Variants in OR2T33 observed in about 807,000 individuals in gnomAD.
OR2T33 encodes olfactory receptor 2T33.
Under a neutral mutation model 14.0 loss-of-function variants are expected in OR2T33, and 10 were observed. That is an observed-to-expected ratio of 0.72 (90% CI 0.44 to 1.22). OR2T33 has a LOEUF of 1.22. Ranked by LOEUF, OR2T33 falls within the 50% of genes most tolerant of loss-of-function variation. The probability of loss-of-function intolerance (pLI) is 0.00; values close to 1 mark genes in which losing one functional copy is unlikely to be tolerated. For synonymous variants in OR2T33, 103 were observed against 159.4 expected, an observed-to-expected ratio of 0.65 and a Z score of 2.66; for missense variants, 276 against 405.9, an observed-to-expected ratio of 0.68 and a Z score of 2.75.
Position 248,272,360 on chromosome 1 carries a change from T to C in OR2T33, c.*492A>G, listed in dbSNP as rs1659383039. ...GACTTTCCCTTTTGTCATGCATCTA[T>C]ATTTTAAAATATAACATAAAAATAA... On this transcript the variant is annotated 3_prime_UTR_variant, in exon 2 of 2. Transcript: ENST00000641220. The C allele has an allele frequency of 6.5e-6, 1 of 153,154 alleles. No individual in the cohort carries two copies. Among genetic ancestry groups the C allele is most frequent in the East Asian group, 1.9e-4 (1 of 5,202 alleles). 9.5% of individuals were successfully genotyped at this position (153,154 alleles called of 1,614,324 possible). A position where few individuals can be genotyped will look rare whatever the true frequency, so the allele number is the denominator to read the frequency against.
At chr1:248,275,046 G>C (rs1659432102) in intron 1 of OR2T33, among the ~76,000 whole-genome samples, 1 of 152,192 alleles carries the variant, frequency 6.6e-6, no homozygotes, top group South Asian at 2.1e-4. Context: ...AACTCATAAA[G>C]AGAAGAGCAC....
chr1:248,273,835 T>G lies in OR2T33; in HGVS notation c.-8-13A>C, dbSNP rs1659417903. ...TCCATAATTTCCCCTGGTGTGATGG[T>G]GCAAATGGAAAAATAGAGAAGGAAG... On this transcript the variant is annotated splice_polypyrimidine_tract_variant and intron_variant, in intron 1 of 1. Coordinates refer to ENST00000641220, the MANE Select transcript of OR2T33 (RefSeq NM_001004695.2). 1.3e-6 allele frequency: 2 copies of G among 1,590,898 alleles called. No individual in the cohort carries two copies. Among genetic ancestry groups the G allele is most frequent in the Middle Eastern group, 1.7e-4 (1 of 5,850 alleles).
At chr1:248,276,759 A>G (rs1279956144) in intron 1 of OR2T33, among the ~76,000 whole-genome samples, 1 of 152,176 alleles carries the variant, frequency 6.6e-6, no homozygotes, top group Non-Finnish European at 1.5e-5. Flanking sequence ...TTTTCAGCAC[A>G]TTGTATCAGT....
Position 248,273,623 on chromosome 1 carries a change from A to G in OR2T33, c.192T>C (p.Leu64=), listed in dbSNP as rs146015658. 25,144 of 1,590,802 alleles carry G rather than the reference A, an allele frequency of 0.016. 281 individuals are homozygous for G. The highest frequency in any genetic ancestry group is 0.14 in the African/African-American group (9,543 of 67,340). Reference sequence around the variant, plus strand: ...AAACCAGCATCATGTCCATGAGGGAAAGTTGGCTCAGGAGGAAGTACATGG... The same window carrying G: ...AAACCAGCATCATGTCCATGAGGGAGAGTTGGCTCAGGAGGAAGTACATGG... ...HTPMYFLLSQ[L]SLMDMMLVST... is the part of the protein sequence containing the mutation. The change falls in exon 2 of 2, where the codon CTT becomes CTC. Residue 64 remains leucine, a synonymous_variant. Coordinates refer to ENST00000641220, the MANE Select transcript of OR2T33 (RefSeq NM_001004695.2).
chr1:248,274,666 G>T (rs1659427853), intron 1 of OR2T33, among the ~76,000 whole-genome samples: 1 of 152,166 alleles, frequency 6.6e-6, no homozygotes. Flanking sequence ...GATAAATGCT[G>T]GGGGAGAGTA....
At position 248,272,890 on chromosome 1, in the gene OR2T33, T is replaced by C. The variant is rs113609073; in HGVS notation, c.925A>G (p.Ile309Val). Residue 309 changes from isoleucine to valine, a missense_variant, in exon 2 of 2, where the codon ATA becomes GTA. Physicochemically the swap from Ile to Val is conservative, Grantham distance 29. Transcript: ENST00000641220. ...LKRWLGTCVN[I>V]KHQQNEAHRS... ...TGGGCCTCATTTTGCTGGTGTTTTA[T>C]GTTTACACACGTCCCCAGCCACCGT... The C allele has an allele frequency of 1.6e-5, 26 of 1,613,940 alleles. No homozygotes were observed. The East Asian group carries it at 5.1e-4, about 32-fold the overall frequency.
At chr1:248,276,738 A>G (rs570006371) in intron 1 of OR2T33, among the ~76,000 whole-genome samples, 5 of 152,304 alleles carry the variant, frequency 3.3e-5, no homozygotes, top group Admixed American at 6.5e-5. Context: ...TAATATTGTT[A>G]TAGATGAGAC....
In OR2T33 at chr1:248,271,999, A is replaced by C. The variant is rs1230187969; in HGVS notation, c.*853T>G. The C allele has an allele frequency of 6.6e-6, 1 of 152,176 alleles. No homozygotes were observed. Among genetic ancestry groups the C allele is most frequent in the Non-Finnish European group, 1.5e-5 (1 of 68,020 alleles). 9.4% of individuals were successfully genotyped at this position (152,176 alleles called of 1,614,324 possible). A position where few individuals can be genotyped will look rare whatever the true frequency, so the allele number is the denominator to read the frequency against. On this transcript the variant is annotated 3_prime_UTR_variant, in exon 2 of 2. Transcript: ENST00000641220. ...AATTACCTATGTCTTGGCAGAAGTAAGGTGGTGACACAATAATGTATAAGG... is the reference window on the plus strand; with the variant it reads ...AATTACCTATGTCTTGGCAGAAGTACGGTGGTGACACAATAATGTATAAGG...
rs1216928599 is a variant in OR2T33, at chr1:248,270,413, A to C, written c.*2439T>G. On this transcript the variant is annotated 3_prime_UTR_variant, in exon 2 of 2. Transcript: ENST00000641220. The stretch of plus-strand genomic sequence containing the variant: ...TGCACATGTACCCTAGAACTTAAAG[A>C]ATAATTTTAAAGAAAAAGTGAAAGA... 6.6e-6 allele frequency: 1 copy of C among 152,190 alleles called. No individual in the cohort carries two copies. The highest frequency in any genetic ancestry group is 1.9e-4 in the East Asian group (1 of 5,192). The allele number at this position is 152,190 out of a possible 1,614,324, so 9.4% of individuals were successfully genotyped here.
In OR2T33 at chr1:248,273,164, A is replaced by G; in HGVS notation, c.651T>C (p.Gly217=). 6.2e-7 allele frequency: 1 copy of G among 1,610,188 alleles called. No individual in the cohort carries two copies. The highest frequency in any genetic ancestry group is 2.2e-5 in the East Asian group (1 of 44,840). The change falls in exon 2 of 2, where the codon GGT becomes GGC. Residue 217 remains glycine, a synonymous_variant. Transcript: ENST00000641220. The stretch of plus-strand genomic sequence containing the variant: ...TGTGCAGAACAGCAGCGAGGATGAG[A>G]CCATAGGAGGACAGGATGAGGGAAA... ...VPFSLILSSY[G]LILAAVLHMR...
At chr1:248,273,864 C>A in intron 1 of OR2T33, 42 bp from the exon 2 acceptor site, 1 of 1,570,156 alleles carries the variant, frequency 6.4e-7, no homozygotes. Context: ...AAGGAAGAGG[C>A]TTTTATGGTC....
intron 1 of OR2T33, 113 bp from the exon 2 acceptor site, chr1:248,273,935 G>T: frequency 7.4e-7 from 1 of 1,351,276 alleles, no homozygotes; most frequent in Non-Finnish European, 9.7e-7. Flanking sequence ...ATCCCAGGTA[G>T]TGATTCAAAG....
chr1:248,276,479 T>A (rs560002116), intron 1 of OR2T33, among the ~76,000 whole-genome samples: 1 of 152,142 alleles, frequency 6.6e-6, no homozygotes, highest in Non-Finnish European at 1.5e-5. Flanking sequence ...TTAATTAGAT[T>A]ATTGAACTGA....
In OR2T33 at chr1:248,273,006, T is replaced by G; in HGVS notation, c.809A>C (p.Lys270Thr). Reference protein sequence around the residue: ...PKSHRSTNHDKVVSAFYTMFT... With the variant: ...PKSHRSTNHDTVVSAFYTMFT... ...CATAGTATAGAAGGCTGACACAACC[T>G]TGTCATGGTTAGTGGACCTATGGGA... Residue 270 changes from lysine (K) to threonine (T), a missense_variant, in exon 2 of 2, where the codon AAG becomes ACG. Coordinates refer to ENST00000641220, the MANE Select transcript of OR2T33 (RefSeq NM_001004695.2). The G allele has an allele frequency of 6.2e-7, 1 of 1,614,054 alleles. No homozygotes were observed. Among genetic ancestry groups the G allele is most frequent in the Non-Finnish European group, 8.5e-7 (1 of 1,180,002 alleles).
In OR2T33 at chr1:248,272,721, T is replaced by A; in HGVS notation, c.*131A>T. On this transcript the variant is annotated 3_prime_UTR_variant, in exon 2 of 2. Transcript: ENST00000641220. ...GTATCTCTCAATACAATTAGCTCAC[T>A]TAATTCTTAAAAATATCCTATTATA... The A allele has an allele frequency of 1.6e-6, 2 of 1,238,652 alleles. No individual in the cohort carries two copies. The highest frequency in any genetic ancestry group is 2.4e-5 in the East Asian group (1 of 42,102). The allele number at this position is 1,238,652 out of a possible 1,614,324, so 76.7% of individuals were successfully genotyped here. A position where few individuals can be genotyped will look rare whatever the true frequency, so the allele number is the denominator to read the frequency against.
Position 248,271,842 on chromosome 1 carries a change from C to T in OR2T33, c.*1010G>A, listed in dbSNP as rs1242919893. ...TATCCAGTCTCTGGTTACAATTTGG[C>T]TTTGATAACCACAGCTTTCTGCCAT... On this transcript the variant is annotated 3_prime_UTR_variant, in exon 2 of 2. Transcript: ENST00000641220. 2.6e-5 allele frequency: 4 copies of T among 152,148 alleles called. No homozygotes were observed. The highest frequency in any genetic ancestry group is 2.0e-4 in the Admixed American group (3 of 15,278). The allele number at this position is 152,148 out of a possible 1,614,324, so 9.4% of individuals were successfully genotyped here.
At chr1:248,274,680 G>A (rs1167390482) in intron 1 of OR2T33, among the ~76,000 whole-genome samples, 1 of 152,150 alleles carries the variant, frequency 6.6e-6, no homozygotes, top group East Asian at 1.9e-4. Flanking sequence ...GAGAGTAGTA[G>A]TAACTATAAT....
Position 248,273,460 on chromosome 1 carries a change from C to T in OR2T33, c.355G>A (p.Asp119Asn). The change falls in exon 2 of 2, where the codon GAC becomes AAC. Residue 119 changes from aspartate (D) to asparagine (N), a missense_variant. Asp to Asn is a conservative substitution (Grantham distance 23, BLOSUM62 1). Coordinates refer to ENST00000641220, the MANE Select transcript of OR2T33 (RefSeq NM_001004695.2). The part of the protein sequence containing the change: ...ECFLLAAMAY[D>N]RYAAVCHPLR... ...GGGTGGCAGACAGCCGCATAGCGGT[C>T]ATAGGCCATGGCTGCTAAGAGGAAG... 1 of 1,612,718 alleles carries T rather than the reference C, an allele frequency of 6.2e-7. No individual in the cohort carries two copies. Among genetic ancestry groups the T allele is most frequent in the South Asian group, 1.1e-5 (1 of 91,012 alleles).
At position 248,277,880 on chromosome 1, in the gene OR2T33, G is replaced by A. The variant is rs889741451; in HGVS notation, c.-124C>T. 6.6e-6 allele frequency: 1 copy of A among 152,002 alleles called. No homozygotes were observed. Among genetic ancestry groups the A allele is most frequent in the African/African-American group, 2.4e-5 (1 of 41,378 alleles). The allele number at this position is 152,002 out of a possible 1,614,324, so 9.4% of individuals were successfully genotyped here. On this transcript the variant is annotated 5_prime_UTR_variant, in exon 1 of 2. Coordinates refer to ENST00000641220, the MANE Select transcript of OR2T33 (RefSeq NM_001004695.2). The stretch of plus-strand genomic sequence containing the variant: ...GTTGTGGATACTGCTTTGTGCCTCT[G>A]GTCTCATGCTCTATTTAGTTAAAAA...
Sources: allele counts gnomAD v4.1 joint callset (sites outside exome capture counted in the v4.1 genomes callset), GRCh38; gene constraint gnomAD v4.1.1; transcripts MANE v1.5; gene names NCBI Gene and HGNC (gene_info 2026-07-23, HGNC 2026-07-21).